The following NCAM2 variants were observed in gnomAD, a reference collection of about 807,000 sequenced individuals.
NCAM2 encodes N-CAM-2.
A neutral mutation model predicts 98.1 loss-of-function variants in NCAM2; 30 were observed. The ratio of observed to expected loss-of-function variants is 0.31; its 90% CI spans 0.23 to 0.41. The LOEUF is 0.41. Ranked by LOEUF, NCAM2 falls within the 10% of genes least tolerant of loss-of-function variation. The pLI, the probability that NCAM2 is intolerant of heterozygous loss-of-function variation, is 1.00. For synonymous variants in NCAM2, 368 were observed against 342.4 expected, an observed-to-expected ratio of 1.07 and a Z score of -0.83; for missense variants, 867 against 1,005.8, an observed-to-expected ratio of 0.86 and a Z score of 1.87.
At chr21:21,442,640 A>G (rs1979470776) in intron 12 of NCAM2, among the ~76,000 whole-genome samples, 1 of 152,142 alleles carries the variant, frequency 6.6e-6, no homozygotes, top group South Asian at 2.1e-4. Context: ...GGATATTGTG[A>G]AGTCAACAGA....
At chr21:21,226,822 A>G (rs1272909025) in intron 1 of NCAM2, 3 of 152,098 alleles carry the variant, frequency 2.0e-5, no homozygotes, top group African/African-American at 7.2e-5. Context: ...CACACTGTCC[A>G]TCTTCACCTA....
chr21:21,071,877 A>G (rs759065443), intron 1 of NCAM2, among the ~76,000 whole-genome samples: 42 of 43,756 alleles, frequency 9.6e-4, no homozygotes, highest in African/African-American at 2.4e-3. Flanking sequence ...CTGCCTATCT[A>G]TCTATCTATC....
intron 1 of NCAM2, among the ~76,000 whole-genome samples, chr21:21,071,351 G>C (rs2065559023): frequency 6.6e-6 from 1 of 152,038 alleles, no homozygotes; most frequent in African/African-American, 2.4e-5. Context: ...AATTTTATGG[G>C]GTTATTGATG....
chr21:21,025,393 A>G (rs1189079987), intron 1 of NCAM2, among the ~76,000 whole-genome samples: 6 of 152,134 alleles, frequency 3.9e-5, no homozygotes, highest in Non-Finnish European at 8.8e-5. Context: ...CCATTTTTAA[A>G]TGATGTTCTA....
rs1026541240 is a variant in NCAM2 at position 21,540,266 on chromosome 21, CACATATATATAT to C, written c.*2311_*2322del. ...TTGACATATATTTCATATATATATA[CACATATATATAT>C]ATACACATATATATACATATATATA... On this transcript the variant is annotated 3_prime_UTR_variant, in exon 18 of 18. Coordinates refer to ENST00000400546, the MANE Select transcript of NCAM2 (RefSeq NM_004540.5). 4.4e-3 allele frequency: 575 copies of C among 129,714 alleles called. 7 individuals are homozygous for C. The highest frequency in any genetic ancestry group is 0.015 in the African/African-American group (541 of 35,252). 8.0% of individuals were successfully genotyped at this position (129,714 alleles called of 1,614,324 possible).
intron 1 of NCAM2, among the ~76,000 whole-genome samples, chr21:21,155,846 T>A (rs565204516): frequency 1.1e-3 from 160 of 152,132 alleles, no homozygotes; most frequent in African/African-American, 3.6e-3. Context: ...TTAAAAAATA[T>A]TTTCATTGCC....
chr21:21,158,612 C>CA (rs34097159), intron 1 of NCAM2, among the ~76,000 whole-genome samples: 76,609 of 144,164 alleles, frequency 0.53, 20,869 homozygotes, highest in African/African-American at 0.67. Flanking sequence ...CCCGCCCCCG[C>CA]AAAAAAAAAA....
chr21:21,370,160 G>A (rs141126940), intron 8 of NCAM2, among the ~76,000 whole-genome samples: 5 of 151,808 alleles, frequency 3.3e-5, no homozygotes, highest in Admixed American at 2.0e-4. Context: ...AAATACCTAC[G>A]AGAAACTCTT....
intron 9 of NCAM2, among the ~76,000 whole-genome samples, chr21:21,396,822 C>T (rs1002027067): frequency 1.8e-4 from 27 of 152,306 alleles, no homozygotes; most frequent in South Asian, 4.1e-4. Context: ...TGTTACATCA[C>T]GCCACAGCCC....
intron 1 of NCAM2, among the ~76,000 whole-genome samples, chr21:21,244,540 T>G (rs2071187560): frequency 6.6e-6 from 1 of 152,084 alleles, no homozygotes; most frequent in Non-Finnish European, 1.5e-5. Context: ...AATGCCAAAA[T>G]TATATATAGG....
intron 1 of NCAM2, among the ~76,000 whole-genome samples, chr21:21,023,623 T>G (rs1568937336): frequency 6.6e-6 from 1 of 152,140 alleles, no homozygotes; most frequent in Non-Finnish European, 1.5e-5. Context: ...TCTCCCAAAC[T>G]GGTTTTAGAA....
chr21:21,094,590 T>C (rs2066079719), intron 1 of NCAM2, among the ~76,000 whole-genome samples: 1 of 151,820 alleles, frequency 6.6e-6, no homozygotes, highest in African/African-American at 2.4e-5. Flanking sequence ...GAAATTTTAC[T>C]GGAGTAAAGC....
Position 21,266,989 on chromosome 21 carries a change from C to T in NCAM2, c.56-13589C>T, listed in dbSNP as rs139641706. Among the ~76,000 whole-genome samples, 9 of 152,146 alleles carry T rather than the reference C, an allele frequency of 5.9e-5. No homozygotes were observed. The East Asian group carries it at 9.7e-4, about 16-fold the overall frequency. ...GTTCATTGTACAGATTATTTCATCA[C>T]GCAGCTATTAAGCCTAGGTACCAAT... On this transcript the variant is annotated intron_variant, in intron 1 of 17. Transcript: ENST00000400546.
intron 1 of NCAM2, among the ~76,000 whole-genome samples, chr21:21,180,796 G>A (rs2146907114): frequency 6.6e-6 from 1 of 152,224 alleles, no homozygotes; most frequent in South Asian, 2.1e-4. Context: ...CTAGAAAGAA[G>A]GAAGAGTTAT....
At chr21:21,172,857 C>G (rs2068167903) in intron 1 of NCAM2, among the ~76,000 whole-genome samples, 1 of 151,920 alleles carries the variant, frequency 6.6e-6, no homozygotes, top group Non-Finnish European at 1.5e-5. Context: ...AACTTATTTT[C>G]CAAATGTATA....
chr21:21,533,226 A>C (rs1989807818), intron 16 of NCAM2, among the ~76,000 whole-genome samples: 1 of 129,892 alleles, frequency 7.7e-6, no homozygotes, highest in Non-Finnish European at 1.5e-5. Flanking sequence ...TTAATATCCT[A>C]TATCCACCAT....
chr21:21,248,164 T>G (rs2071347334), intron 1 of NCAM2, among the ~76,000 whole-genome samples: 1 of 152,190 alleles, frequency 6.6e-6, no homozygotes, highest in Admixed American at 6.5e-5. Context: ...TTATTTCCAT[T>G]TTATAGATGT....
chr21:21,317,930 C>T lies in NCAM2; in HGVS notation c.620-6453C>T, dbSNP rs191994737. 3.8e-4 allele frequency among the ~76,000 whole-genome samples: 58 copies of T among 152,288 alleles called. No homozygotes were observed. In the East Asian group the frequency reaches 8.5e-3, roughly 22 times the overall value. ...CTTTAATGTATAGGTTGACATAAAA[C>T]AGGTGAATTCTCAGATCAGTTTCTG... On this transcript the variant is annotated intron_variant, in intron 5 of 17. Coordinates refer to ENST00000400546, the MANE Select transcript of NCAM2 (RefSeq NM_004540.5).
intron 10 of NCAM2, among the ~76,000 whole-genome samples, chr21:21,416,505 A>G (rs1036027343): frequency 4.5e-5 from 6 of 132,636 alleles, no homozygotes; most frequent in African/African-American, 1.7e-4. Context: ...AAAAAAAAAA[A>G]GAAAAGAAAA....
Sources: gnomAD v4.1 joint callset for allele counts (sites outside exome capture counted in the v4.1 genomes callset) on GRCh38, gnomAD v4.1.1 for gene constraint, MANE v1.5 for transcripts, NCBI Gene and HGNC (gene_info 2026-07-23, HGNC 2026-07-21) for gene names.